LHFPL2: variants seen among roughly 807,000 people sequenced by gnomAD.
The protein encoded by LHFPL2 is LHFPL tetraspan subfamily member 2 protein.
LHFPL2 carries 7 observed loss-of-function variants against 17.5 expected under a neutral mutation model. The observed-to-expected ratio is 0.40, with a 90% CI of 0.23 to 0.75. The LOEUF (loss-of-function observed/expected upper bound fraction) is 0.75, where lower values mean the gene tolerates loss of function less well. Among genes scored for constraint, LHFPL2 ranks in the 30% least tolerant of loss-of-function variants. LHFPL2 has a pLI of 0.37. For synonymous variants in LHFPL2, 134 were observed against 116.2 expected (o/e 1.15, Z -0.99); for missense variants, 241 against 294.8 (o/e 0.82, Z 1.34).
intron 4 of LHFPL2, among the ~76,000 whole-genome samples, chr5:78,503,118 T>A (rs1754824323): frequency 1.3e-5 from 2 of 152,196 alleles, no homozygotes; most frequent in South Asian, 4.1e-4. Context: ...ATGCAGATTA[T>A]TTTTGAAGTG....
intron 2 of LHFPL2, among the ~76,000 whole-genome samples, chr5:78,619,632 C>A (rs1744761594): frequency 1.6e-5 from 2 of 127,834 alleles, no homozygotes; most frequent in South Asian, 5.9e-4. Context: ...GGTATATCTC[C>A]TAATGCTATC....
At chr5:78,617,826 T>C (rs953825715) in intron 2 of LHFPL2, among the ~76,000 whole-genome samples, 1 of 152,202 alleles carries the variant, frequency 6.6e-6, no homozygotes, top group Non-Finnish European at 1.5e-5. Flanking sequence ...AAAATATTTG[T>C]TAATAGTTTG....
chr5:78,543,441 C>T (rs1024446749), intron 3 of LHFPL2, among the ~76,000 whole-genome samples: 4 of 152,196 alleles, frequency 2.6e-5, no homozygotes, highest in African/African-American at 9.6e-5. Flanking sequence ...TCTGTCCCTA[C>T]AAGCAGGGGC....
At chr5:78,615,575 ATTAAC>A (rs1369890038) in intron 2 of LHFPL2, among the ~76,000 whole-genome samples, 2 of 152,190 alleles carry the variant, frequency 1.3e-5, no homozygotes, top group African/African-American at 4.8e-5. Context: ...AAGATTTCCA[ATTAAC>A]TTATGACCTG....
At chr5:78,630,150 T>C (rs1168473141) in intron 2 of LHFPL2, among the ~76,000 whole-genome samples, 2 of 152,174 alleles carry the variant, frequency 1.3e-5, no homozygotes, top group Admixed American at 6.5e-5. Context: ...TACTTCATCA[T>C]GGTTGCTGCT....
chr5:78,532,202 G>T (rs1043735955), intron 3 of LHFPL2, among the ~76,000 whole-genome samples: 1 of 152,024 alleles, frequency 6.6e-6, no homozygotes, highest in Non-Finnish European at 1.5e-5. Flanking sequence ...GGGATTACAG[G>T]TGTGAGCCAC....
chr5:78,584,783 A>C (rs1167986762), intron 2 of LHFPL2, among the ~76,000 whole-genome samples: 1 of 152,158 alleles, frequency 6.6e-6, no homozygotes, highest in Admixed American at 6.5e-5. Context: ...AAAGACAGGC[A>C]GGCCTCCTTG....
intron 3 of LHFPL2, among the ~76,000 whole-genome samples, chr5:78,535,211 G>A (rs1292227834): frequency 2.6e-5 from 4 of 152,134 alleles, no homozygotes; most frequent in Admixed American, 6.5e-5. Context: ...GCCATTTGCC[G>A]AGGGGCTGCA....
intron 2 of LHFPL2, among the ~76,000 whole-genome samples, chr5:78,567,165 C>T (rs1008504118): frequency 6.6e-6 from 1 of 152,152 alleles, no homozygotes; most frequent in South Asian, 2.1e-4. Context: ...TTCACACTGA[C>T]AGTAAAAAGC....
chr5:78,502,638 A>G (rs1754808226), intron 4 of LHFPL2, among the ~76,000 whole-genome samples: 1 of 152,218 alleles, frequency 6.6e-6, no homozygotes, highest in South Asian at 2.1e-4. Flanking sequence ...TTGATAATTC[A>G]AAGTAAGTTA....
At chr5:78,507,339 AAAG>A (rs1180644762) in intron 4 of LHFPL2, among the ~76,000 whole-genome samples, 3 of 151,818 alleles carry the variant, frequency 2.0e-5, no homozygotes, top group African/African-American at 4.9e-5. Flanking sequence ...TAAAAAAAAA[AAAG>A]AAAAGAAAAA....
At chr5:78,616,282 T>A (rs1015150241) in intron 2 of LHFPL2, among the ~76,000 whole-genome samples, 31 of 152,146 alleles carry the variant, frequency 2.0e-4, no homozygotes, top group African/African-American at 7.5e-4. Flanking sequence ...GCCCGCCACC[T>A]CACCCGGCTA....
chr5:78,635,999 G>GACACACACACACAC (rs5868927), intron 1 of LHFPL2, among the ~76,000 whole-genome samples: 1 of 150,776 alleles, frequency 6.6e-6, no homozygotes, highest in African/African-American at 2.4e-5. Flanking sequence ...CACACACACA[G>GACACACACACACAC]ACACACACAC....
chr5:78,608,969 A>C (rs536041415), intron 2 of LHFPL2, among the ~76,000 whole-genome samples: 20 of 152,102 alleles, frequency 1.3e-4, no homozygotes, highest in Non-Finnish European at 1.9e-4. Context: ...ATAACATTAA[A>C]GTCAGCAAGA....
intron 3 of LHFPL2, among the ~76,000 whole-genome samples, chr5:78,522,677 G>A (rs1448685875): frequency 6.6e-6 from 1 of 152,116 alleles, no homozygotes; most frequent in East Asian, 1.9e-4. Context: ...GGTGGAGAGG[G>A]AAGGCAGGGA....
intron 3 of LHFPL2, among the ~76,000 whole-genome samples, chr5:78,561,112 T>C (rs551509133): frequency 2.7e-4 from 41 of 152,354 alleles, no homozygotes; most frequent in African/African-American, 9.9e-4. Context: ...TTGCACTCAT[T>C]GCACATTTCA....
chr5:78,511,692 C>G (rs549791457), intron 3 of LHFPL2, among the ~76,000 whole-genome samples: 1 of 152,284 alleles, frequency 6.6e-6, no homozygotes, highest in South Asian at 2.1e-4. Context: ...GTTTCTACAC[C>G]CTGCACCAGC....
At chr5:78,512,107 G>C (rs1232714997) in intron 3 of LHFPL2, among the ~76,000 whole-genome samples, 1 of 152,110 alleles carries the variant, frequency 6.6e-6, no homozygotes. Flanking sequence ...TCAACTCCCT[G>C]CCCTCCGAAG....
intron 2 of LHFPL2, among the ~76,000 whole-genome samples, chr5:78,587,415 C>T (rs1743455516): frequency 6.6e-6 from 1 of 152,180 alleles, no homozygotes; most frequent in Middle Eastern, 3.2e-3. Context: ...CAGAAAAAGA[C>T]CACCAGAAAA....
Sources: gnomAD v4.1 joint callset for allele counts (sites outside exome capture counted in the v4.1 genomes callset) on GRCh38, gnomAD v4.1.1 for gene constraint, MANE v1.5 for transcripts, NCBI Gene and HGNC (gene_info 2026-07-23, HGNC 2026-07-21) for gene names.